Variants in ADCYAP1R1 observed in about 807,000 individuals in gnomAD.
The protein encoded by ADCYAP1R1 is pituitary adenylate cyclase-activating polypeptide type I receptor.
ADCYAP1R1 carries 44 observed loss-of-function variants against 67.6 expected under a neutral mutation model. The ratio of observed to expected loss-of-function variants is 0.65; its 90% confidence interval spans 0.51 to 0.84. The LOEUF (loss-of-function observed/expected upper bound fraction) is 0.84. Among genes scored for constraint, ADCYAP1R1 ranks in the 40% least tolerant of loss-of-function variants. The probability of loss-of-function intolerance (pLI) is 0.00; values close to 1 mark genes in which losing one functional copy is unlikely to be tolerated. For synonymous variants in ADCYAP1R1, 222 were observed against 219.6 expected (o/e 1.01, Z -0.10); for missense variants, 477 against 587.9 (o/e 0.81, Z 1.95).
chr7:31,100,092 C>A (rs759050434), intron 13 of ADCYAP1R1: 2 of 1,544,546 alleles, frequency 1.3e-6, no homozygotes, highest in South Asian at 1.2e-5. Context: ...CTGGTGCCCC[C>A]CAGCTGACAG....
chr7:31,068,095 T>C (rs1476031131), intron 3 of ADCYAP1R1, among the ~76,000 whole-genome samples: 1 of 151,934 alleles, frequency 6.6e-6, no homozygotes, highest in Non-Finnish European at 1.5e-5. Flanking sequence ...AGCGTTCCGC[T>C]GGGGAAGGGT....
chr7:31,063,615 G>A (rs1346219700), intron 2 of ADCYAP1R1, among the ~76,000 whole-genome samples: 2 of 152,218 alleles, frequency 1.3e-5, no homozygotes, highest in Non-Finnish European at 2.9e-5. Context: ...CAGGGCTGCA[G>A]AAGCCTCTTT....
Position 31,081,779 on chromosome 7 carries a change from C to A in ADCYAP1R1, c.328+25C>A, listed in dbSNP as rs775530143. The A allele has an allele frequency of 4.4e-6, 7 of 1,581,878 alleles. No homozygotes were observed. In the South Asian group the frequency reaches 8.4e-5, roughly 19 times the overall value. ...GGTAAGGGGTTAGGCTGGGGTTGAC[C>A]ATGGACTGGCTGGAGGGAGGGCGTC... On this transcript the variant is annotated intron_variant, in intron 6 of 15. Coordinates refer to ENST00000304166, the MANE Select transcript of ADCYAP1R1 (RefSeq NM_001118.5).
At chr7:31,100,323 A>G in intron 13 of ADCYAP1R1, 1 of 857,550 alleles carries the variant, frequency 1.2e-6, no homozygotes, top group South Asian at 1.4e-5. Flanking sequence ...TCCCAGCCCC[A>G]ACCCATTCCC....
intron 1 of ADCYAP1R1, among the ~76,000 whole-genome samples, chr7:31,057,254 C>T (rs1176243332): frequency 6.6e-6 from 1 of 152,226 alleles, no homozygotes; most frequent in East Asian, 1.9e-4. Context: ...TTCTTCCTCC[C>T]CCTCCTCTTA....
intron 13 of ADCYAP1R1, among the ~76,000 whole-genome samples, chr7:31,098,897 C>G (rs1796323166): frequency 6.6e-6 from 1 of 152,160 alleles, no homozygotes; most frequent in African/African-American, 2.4e-5. Flanking sequence ...CAGGTCCAAT[C>G]TGATTTATTA....
intron 3 of ADCYAP1R1, among the ~76,000 whole-genome samples, chr7:31,065,310 C>T (rs1230348683): frequency 6.6e-6 from 1 of 152,198 alleles, no homozygotes; most frequent in Non-Finnish European, 1.5e-5. Context: ...AGCACTTGGT[C>T]AACCCAGGGC....
chr7:31,078,054 T>G lies in ADCYAP1R1; in HGVS notation c.221T>G (p.Leu74Arg), dbSNP rs562824556. The change falls in exon 4 of 16, where the codon CTG becomes CGG. Residue 74 changes from leucine (L) to arginine (R), a missense_variant. Physicochemically the swap from Leu to Arg is moderately radical, Grantham distance 102. Transcript: ENST00000304166. ...WKPAHVGEMV[L>R]VSCPELFRIF... Reference sequence around the variant, plus strand: ...CCCGCCCATGTGGGTGAGATGGTCCTGGTCAGCTGCCCTGAGCTCTTCCGA... The same window carrying G: ...CCCGCCCATGTGGGTGAGATGGTCCGGGTCAGCTGCCCTGAGCTCTTCCGA... 5.8e-5 allele frequency: 94 copies of G among 1,613,346 alleles called. No individual in the cohort carries two copies. Among genetic ancestry groups the G allele is most frequent in the Non-Finnish European group, 7.6e-5 (90 of 1,179,552 alleles).
intron 6 of ADCYAP1R1, 81 bp from the exon 7 acceptor site, chr7:31,084,060 C>A: frequency 8.0e-7 from 1 of 1,255,002 alleles, no homozygotes; most frequent in Non-Finnish European, 1.2e-6. Context: ...GGAATTCCCA[C>A]TGAATACGTA....
intron 3 of ADCYAP1R1, among the ~76,000 whole-genome samples, chr7:31,076,879 G>A (rs1026740397): frequency 3.3e-5 from 5 of 152,100 alleles, no homozygotes; most frequent in African/African-American, 4.8e-5. Context: ...GCTAGGGTGG[G>A]CATGTGGGAG....
intron 7 of ADCYAP1R1, 63 bp from the exon 8 acceptor site, chr7:31,084,674 T>A: frequency 1.4e-6 from 2 of 1,413,170 alleles, no homozygotes; most frequent in Non-Finnish European, 2.0e-6. Context: ...GGTGCAGGCC[T>A]GAGGCAGCCT....
chr7:31,070,930 C>T (rs1356961678), intron 3 of ADCYAP1R1, among the ~76,000 whole-genome samples: 1 of 152,166 alleles, frequency 6.6e-6, no homozygotes, highest in Non-Finnish European at 1.5e-5. Context: ...ATCTTTAGTC[C>T]TATGCCACCC....
intron 3 of ADCYAP1R1, among the ~76,000 whole-genome samples, chr7:31,071,607 T>C (rs1286561799): frequency 2.0e-5 from 3 of 152,194 alleles, no homozygotes; most frequent in Non-Finnish European, 2.9e-5. Context: ...CTGTCCTGGT[T>C]TTCTTCCTCA....
chr7:31,063,432 C>A, intron 2 of ADCYAP1R1, 117 bp downstream of exon 2: 1 of 1,156,472 alleles, frequency 8.6e-7, no homozygotes, highest in Non-Finnish European at 1.3e-6. Flanking sequence ...GTATTTCTGC[C>A]AACACCACCA....
Position 31,064,905 on chromosome 7 carries a change from T to C in ADCYAP1R1, c.126T>C (p.Asn42=). 1.9e-6 allele frequency: 3 copies of C among 1,611,752 alleles called. No homozygotes were observed. The highest frequency in any genetic ancestry group is 2.5e-6 in the Non-Finnish European group (3 of 1,178,814). ...AMCLEKIQRA[N]ELMGFNDSSP... ...GCCTGGAGAAGATCCAGAGGGCCAA[T>C]GAGCTGATGGGCTTCAATGATTCCT... The change falls in exon 3 of 16, where the codon AAT becomes AAC. Residue 42 remains asparagine (N), a synonymous_variant. Coordinates refer to ENST00000304166, the MANE Select transcript of ADCYAP1R1 (RefSeq NM_001118.5).
intron 3 of ADCYAP1R1, among the ~76,000 whole-genome samples, 156 bp from the exon 4 acceptor site, chr7:31,077,835 G>GTGTGT (rs1273809990): frequency 2.7e-5 from 3 of 109,618 alleles, no homozygotes; most frequent in African/African-American, 1.8e-4. Flanking sequence ...TGTGTTTGTT[G>GTGTGT]GTGTTGTGTG....
At chr7:31,097,815 G>GC (rs572680367) in intron 13 of ADCYAP1R1, among the ~76,000 whole-genome samples, 1 of 85,108 alleles carries the variant, frequency 1.2e-5, no homozygotes, top group African/African-American at 1.0e-4. Context: ...AGATACAGTT[G>GC]GGGGGGGGTC....
chr7:31,083,896 A>T (rs1488661704), intron 6 of ADCYAP1R1, among the ~76,000 whole-genome samples: 1 of 152,154 alleles, frequency 6.6e-6, no homozygotes, highest in East Asian at 1.9e-4. Context: ...AATGTTCGAG[A>T]GGGGAGGGAT....
chr7:31,074,279 G>T (rs767364595), intron 3 of ADCYAP1R1, among the ~76,000 whole-genome samples: 1 of 152,132 alleles, frequency 6.6e-6, no homozygotes, highest in Admixed American at 6.5e-5. Flanking sequence ...GCTGAGTAGA[G>T]ACCTGCCGTT....
Sources: allele counts gnomAD v4.1 joint callset (sites outside exome capture counted in the v4.1 genomes callset), GRCh38; gene constraint gnomAD v4.1.1; transcripts MANE v1.5; gene names NCBI Gene and HGNC (gene_info 2026-07-23, HGNC 2026-07-21).